The following BMPR1B variants were observed in gnomAD, a reference collection of about 807,000 sequenced individuals.
The protein encoded by BMPR1B is bone morphogenetic protein receptor type 1B.
A neutral mutation model predicts 59.1 loss-of-function variants in BMPR1B; 12 were observed. That is an observed-to-expected ratio of 0.20 (90% CI 0.13 to 0.33). BMPR1B has a LOEUF of 0.33. BMPR1B is among the 10% of genes least tolerant of loss of function. The pLI is 1.00. For synonymous variants in BMPR1B, 237 were observed against 207.3 expected (o/e 1.14, Z -1.23); for missense variants, 550 against 610.9 (o/e 0.90, Z 1.05).
intron 3 of BMPR1B, among the ~76,000 whole-genome samples, chr4:95,085,942 T>C (rs932091505): frequency 2.0e-5 from 3 of 152,124 alleles, no homozygotes; most frequent in Non-Finnish European, 4.4e-5. Context: ...GTGGGAATAA[T>C]TTGTTACCTG....
rs959262245 is a variant in BMPR1B at position 94,829,219 on chromosome 4, G to A, written c.-182-46612G>A. On this transcript the variant is annotated intron_variant, in intron 1 of 12. Coordinates refer to ENST00000515059, the MANE Select transcript of BMPR1B (RefSeq NM_001203.3). The stretch of plus-strand genomic sequence containing the variant: ...AGGAATTTAGTTTTCACAGGGAGGC[G>A]TGCTTTTATCCTTTTCTTTAAGCTT... Among the ~76,000 whole-genome samples, 15 of 152,090 alleles carry A rather than the reference G, an allele frequency of 9.9e-5. 1 individual carries two copies. Among genetic ancestry groups the A allele is most frequent in the African/African-American group, 3.1e-4 (13 of 41,494 alleles).
intron 1 of BMPR1B, among the ~76,000 whole-genome samples, chr4:94,758,691 C>T (rs1721632788): frequency 1.3e-5 from 2 of 152,128 alleles, no homozygotes; most frequent in Admixed American, 1.3e-4. Context: ...CTTCTCCTCT[C>T]TCTCCTGCTT....
At chr4:95,102,805 T>C (rs1730919287) in intron 3 of BMPR1B, among the ~76,000 whole-genome samples, 1 of 152,100 alleles carries the variant, frequency 6.6e-6, no homozygotes. Flanking sequence ...TTGGGAGTAA[T>C]TGTGTGGTTG....
intron 3 of BMPR1B, among the ~76,000 whole-genome samples, chr4:95,045,240 A>G (rs1298682674): frequency 1.3e-5 from 2 of 152,222 alleles, no homozygotes; most frequent in African/African-American, 4.8e-5. Flanking sequence ...TTTCTTAGAT[A>G]CAAAGGAAAA....
At chr4:94,940,728 T>A (rs1302895600) in intron 2 of BMPR1B, among the ~76,000 whole-genome samples, 1 of 152,186 alleles carries the variant, frequency 6.6e-6, no homozygotes, top group Non-Finnish European at 1.5e-5. Context: ...TGTACTAAAT[T>A]GAATGTATTA....
chr4:95,125,004 A>G lies in BMPR1B; in HGVS notation c.468A>G (p.Arg156=), dbSNP rs775608689. 1.2e-5 allele frequency: 19 copies of G among 1,613,236 alleles called. No individual in the cohort carries two copies. The Admixed American group carries it at 3.2e-4, about 27-fold the overall frequency. ...CYFRYKRQET[R]PRYSIGLEQD... Reference sequence around the variant, plus strand: ...TTAGGTATAAAAGACAAGAAACCAGACCTCGATACAGCATTGGGTTAGAAC... The same window carrying G: ...TTAGGTATAAAAGACAAGAAACCAGGCCTCGATACAGCATTGGGTTAGAAC... Residue 156 remains arginine, a synonymous_variant, in exon 8 of 13, where the codon AGA becomes AGG. Transcript: ENST00000515059.
At position 95,151,099 on chromosome 4, in the gene BMPR1B, C is replaced by G. The variant is rs578087850; in HGVS notation, c.1253-1544C>G. ...GCCCTTCTGGGTGAAAGAGACACAT[C>G]CAGATGTAGGCCTTTCCATCTTTTA... On this transcript the variant is annotated intron_variant, in intron 11 of 12. Coordinates refer to ENST00000515059, the MANE Select transcript of BMPR1B (RefSeq NM_001203.3). 5.9e-5 allele frequency among the ~76,000 whole-genome samples: 9 copies of G among 152,208 alleles called. No homozygotes were observed. In the South Asian group the frequency reaches 1.5e-3, roughly 25 times the overall value.
chr4:94,783,881 T>C (rs950740493), intron 1 of BMPR1B, among the ~76,000 whole-genome samples: 1 of 152,088 alleles, frequency 6.6e-6, no homozygotes, highest in Non-Finnish European at 1.5e-5. Flanking sequence ...TGGTGGCCCC[T>C]CCCTCCTGGT....
intron 1 of BMPR1B, among the ~76,000 whole-genome samples, chr4:94,795,670 G>A (rs374255039): frequency 6.6e-6 from 1 of 152,012 alleles, no homozygotes; most frequent in Admixed American, 6.6e-5. Flanking sequence ...CACCATATTG[G>A]CCAGGCTGGT....
intron 3 of BMPR1B, among the ~76,000 whole-genome samples, chr4:95,095,925 C>T (rs1730339168): frequency 6.6e-6 from 1 of 151,554 alleles, no homozygotes; most frequent in Non-Finnish European, 1.5e-5. Flanking sequence ...AAACTAAATA[C>T]AGTTAAAACA....
At chr4:94,860,547 A>G (rs17022370) in intron 1 of BMPR1B, among the ~76,000 whole-genome samples, 5,813 of 152,260 alleles carry the variant, frequency 0.038, 356 homozygotes, top group African/African-American at 0.13. Context: ...CAATTTATGG[A>G]CTTTGATTGA....
chr4:95,118,609 A>C (rs1732244489), intron 6 of BMPR1B, among the ~76,000 whole-genome samples: 1 of 152,156 alleles, frequency 6.6e-6, no homozygotes, highest in Non-Finnish European at 1.5e-5. Context: ...TTCCCAGAGC[A>C]GTTGGAGTGA....
chr4:95,153,716 G>T (rs541083957), intron 12 of BMPR1B, among the ~76,000 whole-genome samples: 1 of 152,034 alleles, frequency 6.6e-6, no homozygotes, highest in South Asian at 2.1e-4. Flanking sequence ...CTAGTGTGTT[G>T]GTGCACACCT....
chr4:94,926,496 C>T (rs929717505), intron 2 of BMPR1B, among the ~76,000 whole-genome samples: 1 of 151,912 alleles, frequency 6.6e-6, no homozygotes, highest in Non-Finnish European at 1.5e-5. Flanking sequence ...AGGAGTTTGC[C>T]CCAGAGTTCA....
At chr4:95,058,186 C>G (rs780789295) in intron 3 of BMPR1B, among the ~76,000 whole-genome samples, 2 of 152,172 alleles carry the variant, frequency 1.3e-5, no homozygotes, top group Non-Finnish European at 2.9e-5. Flanking sequence ...GATTTCTGAA[C>G]AGGACATGAG....
chr4:94,811,676 T>C (rs1258681092), intron 1 of BMPR1B, among the ~76,000 whole-genome samples: 1 of 152,192 alleles, frequency 6.6e-6, no homozygotes, highest in Non-Finnish European at 1.5e-5. Context: ...TTTAAAGAAC[T>C]GCTAAGCTTC....
Position 95,115,756 on chromosome 4 carries a change from A to G in BMPR1B, c.318A>G (p.Leu106=), listed in dbSNP as rs1305555317. Residue 106 remains leucine (L), a synonymous_variant, in exon 6 of 13, where the codon CTA becomes CTG. Coordinates refer to ENST00000515059, the MANE Select transcript of BMPR1B (RefSeq NM_001203.3). ...AAAGGAACGAATGTAATAAAGACCT[A>G]CACCCTACACTGCCTCCATTGAAAA... is the stretch of plus-strand genomic sequence containing the variant. The part of the protein sequence containing the change: ...CTERNECNKD[L]HPTLPPLKNR... 1.2e-6 allele frequency: 2 copies of G among 1,613,314 alleles called. No individual in the cohort carries two copies. Among genetic ancestry groups the G allele is most frequent in the Admixed American group, 1.7e-5 (1 of 60,012 alleles).
chr4:95,131,792 A>G (rs1405506071), intron 10 of BMPR1B, among the ~76,000 whole-genome samples: 1 of 152,226 alleles, frequency 6.6e-6, no homozygotes, highest in Non-Finnish European at 1.5e-5. Flanking sequence ...GGGAATACGT[A>G]GTCAGAATTC....
At chr4:95,113,229 A>G (rs2149275732) in intron 4 of BMPR1B, among the ~76,000 whole-genome samples, 1 of 152,292 alleles carries the variant, frequency 6.6e-6, no homozygotes, top group Admixed American at 6.5e-5. Context: ...TGGGCTGTTC[A>G]GAGACAGTCT....
Sources: allele counts gnomAD v4.1 joint callset (sites outside exome capture counted in the v4.1 genomes callset), GRCh38; gene constraint gnomAD v4.1.1; transcripts MANE v1.5; gene names NCBI Gene and HGNC (gene_info 2026-07-23, HGNC 2026-07-21).